NKAIN2: variants seen among roughly 807,000 people sequenced by gnomAD.
NKAIN2 encodes sodium/potassium transporting ATPase interacting 2.
NKAIN2 carries 14 observed loss-of-function variants against 32.6 expected under a neutral mutation model. The observed-to-expected ratio is 0.43, with a 90% confidence interval of 0.28 to 0.67. The LOEUF (loss-of-function observed/expected upper bound fraction) is 0.67. NKAIN2 is among the 30% of genes least tolerant of loss of function. The pLI is 0.17. For missense variants in NKAIN2, 198 were observed against 258.3 expected, an observed-to-expected ratio of 0.77 and a Z score of 1.60; for synonymous variants, 80 against 87.2, an observed-to-expected ratio of 0.92 and a Z score of 0.46.
chr6:124,224,874 G>A (rs1251965335), intron 1 of NKAIN2, among the ~76,000 whole-genome samples: 2 of 152,022 alleles, frequency 1.3e-5, no homozygotes. Context: ...TAGTAATTTA[G>A]GATGTGGCTA....
intron 3 of NKAIN2, among the ~76,000 whole-genome samples, chr6:124,458,138 A>G (rs1395707651): frequency 6.6e-6 from 1 of 152,008 alleles, no homozygotes; most frequent in Admixed American, 6.6e-5. Context: ...CAAGTTTATT[A>G]TATACATTTT....
At chr6:123,886,091 A>G (rs1773702399) in intron 1 of NKAIN2, among the ~76,000 whole-genome samples, 1 of 152,088 alleles carries the variant, frequency 6.6e-6, no homozygotes. Flanking sequence ...ATTTTTACCT[A>G]TCAAATTAAC....
intron 1 of NKAIN2, among the ~76,000 whole-genome samples, chr6:124,088,241 G>A (rs1304361681): frequency 6.6e-6 from 1 of 151,792 alleles, no homozygotes; most frequent in African/African-American, 2.4e-5. Flanking sequence ...AACACAGTAA[G>A]ATTCCATCTC....
chr6:124,119,152 C>T (rs1785755485), intron 1 of NKAIN2, among the ~76,000 whole-genome samples: 1 of 152,108 alleles, frequency 6.6e-6, no homozygotes, highest in Admixed American at 6.6e-5. Context: ...TATAGCTCCC[C>T]AACCAGAAAG....
intron 1 of NKAIN2, among the ~76,000 whole-genome samples, chr6:123,913,199 A>G (rs1362177947): frequency 3.9e-5 from 6 of 152,194 alleles, no homozygotes; most frequent in Non-Finnish European, 7.3e-5. Flanking sequence ...ACATGCCAAG[A>G]GTGATTGGGA....
chr6:124,416,864 G>C (rs530495149), intron 3 of NKAIN2, among the ~76,000 whole-genome samples: 10 of 152,086 alleles, frequency 6.6e-5, no homozygotes, highest in Middle Eastern at 6.8e-3. Flanking sequence ...CAGTTATAAG[G>C]AACCCTCCCC....
At chr6:124,088,867 G>T (rs1784304923) in intron 1 of NKAIN2, among the ~76,000 whole-genome samples, 1 of 152,044 alleles carries the variant, frequency 6.6e-6, no homozygotes, top group African/African-American at 2.4e-5. Context: ...ATATATAAGT[G>T]CCTGAATACA....
intron 1 of NKAIN2, among the ~76,000 whole-genome samples, chr6:124,174,171 T>G (rs965398544): frequency 3.3e-5 from 5 of 151,998 alleles, no homozygotes; most frequent in African/African-American, 9.7e-5. Flanking sequence ...GTACATACAC[T>G]CCATAATAAA....
chr6:124,689,644 C>A (rs1774165797), intron 4 of NKAIN2, among the ~76,000 whole-genome samples: 1 of 151,918 alleles, frequency 6.6e-6, no homozygotes, highest in African/African-American at 2.4e-5. Context: ...GTGAAAAGTA[C>A]CAGGTCTATG....
At chr6:124,434,072 C>T (rs770216577) in intron 3 of NKAIN2, among the ~76,000 whole-genome samples, 1 of 152,126 alleles carries the variant, frequency 6.6e-6, no homozygotes, top group Non-Finnish European at 1.5e-5. Flanking sequence ...CTTCCAGCCC[C>T]CTATGTGCTC....
chr6:124,073,750 G>A (rs1166498518), intron 1 of NKAIN2, among the ~76,000 whole-genome samples: 1 of 152,078 alleles, frequency 6.6e-6, no homozygotes, highest in Admixed American at 6.6e-5. Context: ...GACACTCTGT[G>A]AAGCATATAA....
At chr6:124,325,729 G>A (rs1459176144) in intron 2 of NKAIN2, among the ~76,000 whole-genome samples, 2 of 152,046 alleles carry the variant, frequency 1.3e-5, no homozygotes, top group Non-Finnish European at 2.9e-5. Context: ...GTCTTCTCAG[G>A]TTATGGTGAT....
intron 3 of NKAIN2, among the ~76,000 whole-genome samples, chr6:124,477,713 ACTCTTCC>A (rs1290501765): frequency 6.2e-3 from 18 of 2,894 alleles, no homozygotes; most frequent in Non-Finnish European, 7.6e-3. Context: ...CCTCCCCCTT[ACTCTTCC>A]CCCTTCCCCC....
At chr6:124,388,538 C>G (rs1312223619) in intron 3 of NKAIN2, among the ~76,000 whole-genome samples, 4 of 152,102 alleles carry the variant, frequency 2.6e-5, no homozygotes, top group African/African-American at 9.6e-5. Flanking sequence ...CACTCCTCCC[C>G]TTCTTCCAGG....
chr6:123,985,520 T>G (rs2114675282), intron 1 of NKAIN2, among the ~76,000 whole-genome samples: 1 of 152,228 alleles, frequency 6.6e-6, no homozygotes, highest in Non-Finnish European at 1.5e-5. Context: ...TGCTGTTGAG[T>G]GAAGATAAAC....
intron 1 of NKAIN2, among the ~76,000 whole-genome samples, chr6:123,903,013 C>A (rs1041421631): frequency 2.0e-5 from 3 of 152,208 alleles, no homozygotes; most frequent in African/African-American, 7.2e-5. Flanking sequence ...GTTAGTCATA[C>A]TGCTTTGTTC....
intron 3 of NKAIN2, among the ~76,000 whole-genome samples, chr6:124,598,070 T>A (rs1237229436): frequency 6.6e-6 from 1 of 152,144 alleles, no homozygotes; most frequent in Non-Finnish European, 1.5e-5. Context: ...CCTGAGAAAA[T>A]TCAAGCATAA....
At chr6:124,644,514 C>G (rs1274311676) in intron 3 of NKAIN2, among the ~76,000 whole-genome samples, 1 of 151,972 alleles carries the variant, frequency 6.6e-6, no homozygotes, top group Admixed American at 6.6e-5. Context: ...AAGCGATTCT[C>G]CTGCCTCAGC....
chr6:123,920,171 A>C (rs1028917481), intron 1 of NKAIN2, among the ~76,000 whole-genome samples: 13 of 152,142 alleles, frequency 8.5e-5, no homozygotes, highest in African/African-American at 2.9e-4. Flanking sequence ...GATTTTATAC[A>C]TTTCTGGAGT....
Sources: gnomAD v4.1 joint callset for allele counts (sites outside exome capture counted in the v4.1 genomes callset) on GRCh38, gnomAD v4.1.1 for gene constraint, MANE v1.5 for transcripts, NCBI Gene and HGNC (gene_info 2026-07-23, HGNC 2026-07-21) for gene names.